Variants in LRIF1 observed in about 807,000 individuals in gnomAD.
LRIF1 encodes the protein ligand dependent nuclear receptor interacting factor 1, also known as ligand-dependent nuclear receptor-interacting factor 1.
A neutral mutation model predicts 52.7 loss-of-function variants in LRIF1; 32 were observed. That is an observed-to-expected ratio of 0.61 (90% CI 0.46 to 0.82). The LOEUF is 0.82. Ranked by LOEUF, LRIF1 falls within the 40% of genes least tolerant of loss-of-function variation. The probability of loss-of-function intolerance (pLI) is 0.00; values close to 1 mark genes in which losing one functional copy is unlikely to be tolerated. For synonymous variants in LRIF1, 323 were observed against 317.4 expected (o/e 1.02, Z -0.19); for missense variants, 887 against 892.0 (o/e 0.99, Z 0.07).
chr1:110,877,876 A>C, the LRIF1 span, among the ~76,000 whole-genome samples: 1 of 152,306 alleles, frequency 6.6e-6, no homozygotes, highest in East Asian at 1.9e-4. Flanking sequence ...TACAGCGATA[A>C]CTTTGATTGC....
At chr1:110,950,650 G>GTAAC (rs1360052751) in intron 2 of LRIF1, among the ~76,000 whole-genome samples, 1 of 151,816 alleles carries the variant, frequency 6.6e-6, no homozygotes, top group East Asian at 1.9e-4. Flanking sequence ...GAACATAAAG[G>GTAAC]TAACTATGTG....
chr1:110,917,100 TCTC>T, the LRIF1 span, among the ~76,000 whole-genome samples: 1 of 152,274 alleles, frequency 6.6e-6, no homozygotes, highest in Admixed American at 6.5e-5. Flanking sequence ...TGTTTCCCCT[TCTC>T]CTGGATCCTC....
chr1:110,875,235 T>C, the LRIF1 span, among the ~76,000 whole-genome samples: 7 of 152,150 alleles, frequency 4.6e-5, no homozygotes, highest in African/African-American at 1.7e-4. Context: ...GACTGCAGTG[T>C]AACACACCAT....
chr1:110,891,566 C>A, the LRIF1 span: 1 of 920,672 alleles, frequency 1.1e-6, no homozygotes, highest in Non-Finnish European at 1.8e-6. Flanking sequence ...GGGTAAAATG[C>A]ATGCGTGTTT....
the LRIF1 span, chr1:110,938,995 T>C: frequency 6.6e-6 from 1 of 151,854 alleles, no homozygotes; most frequent in Non-Finnish European, 1.5e-5. Flanking sequence ...ATCAAAGAAG[T>C]GAAAGACCTC....
intron 1 of LRIF1, among the ~76,000 whole-genome samples, chr1:110,957,010 C>T (rs142403886): frequency 2.4e-4 from 36 of 152,148 alleles, no homozygotes; most frequent in African/African-American, 8.7e-4. Flanking sequence ...CATATTGATC[C>T]TCTTACCTAT....
At chr1:110,938,145 T>A in the LRIF1 span, 1 of 152,126 alleles carries the variant, frequency 6.6e-6, no homozygotes, top group Non-Finnish European at 1.5e-5. Flanking sequence ...GAAGAACTAA[T>A]ACCAATCTCA....
chr1:110,888,531 T>C, the LRIF1 span, among the ~76,000 whole-genome samples: 1 of 152,206 alleles, frequency 6.6e-6, no homozygotes, highest in East Asian at 1.9e-4. Flanking sequence ...TATTTTATAG[T>C]CTACATTTTT....
chr1:110,933,395 C>A, the LRIF1 span, among the ~76,000 whole-genome samples: 1 of 152,070 alleles, frequency 6.6e-6, no homozygotes, highest in Non-Finnish European at 1.5e-5. Flanking sequence ...GCACTCAGTA[C>A]CTGGTTTTAA....
chr1:110,939,269 T>A, the LRIF1 span: 1 of 150,354 alleles, frequency 6.7e-6, no homozygotes, highest in Non-Finnish European at 1.5e-5. Flanking sequence ...TCCCAGCTAC[T>A]TGGGAGGCTG....
At position 110,948,095 on chromosome 1, in the gene LRIF1, G is replaced by T. The variant is rs775310244; in HGVS notation, c.2174C>A (p.Thr725Asn). 6.2e-7 allele frequency: 1 copy of T among 1,613,956 alleles called. No individual in the cohort carries two copies. The highest frequency in any genetic ancestry group is 8.5e-7 in the Non-Finnish European group (1 of 1,179,968). The change falls in exon 4 of 4, where the codon ACC becomes AAC. Residue 725 changes from threonine (T) to asparagine (N), a missense_variant. By Grantham distance (65) the Thr-to-Asn change is moderately conservative. Transcript: ENST00000369763. ...TGGTGTCACTGGGAAAATATCTTCG[G>T]TATAATTTTTATTGAAGAAATGACT... is the stretch of plus-strand genomic sequence containing the variant. Reference protein sequence around the residue: ...EQSHFFNKNYTEDIFPVTPPE... With the variant: ...EQSHFFNKNYNEDIFPVTPPE...
At chr1:110,953,256 TCTTC>T (rs1322111053) in intron 1 of LRIF1, among the ~76,000 whole-genome samples, 1 of 152,182 alleles carries the variant, frequency 6.6e-6, no homozygotes, top group African/African-American at 2.4e-5. Context: ...TGTTCTGTCT[TCTTC>T]CTTCAATAAC....
intron 3 of LRIF1, 100 bp downstream of exon 3, chr1:110,949,751 A>G: frequency 7.9e-7 from 1 of 1,264,536 alleles, no homozygotes; most frequent in South Asian, 1.5e-5. Flanking sequence ...AACAACCATC[A>G]TTTATACTAA....
At chr1:110,919,337 A>G in the LRIF1 span, among the ~76,000 whole-genome samples, 1 of 152,172 alleles carries the variant, frequency 6.6e-6, no homozygotes, top group African/African-American at 2.4e-5. Context: ...GCTGGCAGAA[A>G]AACTCGAAAA....
chr1:110,931,852 T>C, the LRIF1 span, among the ~76,000 whole-genome samples: 8,742 of 152,118 alleles, frequency 0.057, 290 homozygotes, highest in East Asian at 0.13. Flanking sequence ...TTCTTGGAAA[T>C]TTGTTTAAGT....
chr1:110,894,201 C>T, the LRIF1 span: 26 of 748,202 alleles, frequency 3.5e-5, no homozygotes, highest in Admixed American at 1.9e-4. Context: ...AGGCTTACAA[C>T]GGCCTGAGGA....
the LRIF1 span, among the ~76,000 whole-genome samples, chr1:110,878,920 G>A: frequency 6.6e-6 from 1 of 152,182 alleles, no homozygotes; most frequent in East Asian, 1.9e-4. Context: ...AACTGTACTT[G>A]CATTTATTTA....
At chr1:110,875,312 T>A in the LRIF1 span, among the ~76,000 whole-genome samples, 6 of 152,284 alleles carry the variant, frequency 3.9e-5, no homozygotes, top group African/African-American at 1.4e-4. Context: ...GAGGGCAAGA[T>A]CGCTCACCAG....
At chr1:110,894,886 A>G in the LRIF1 span, 302 of 1,121,564 alleles carry the variant, frequency 2.7e-4, 3 homozygotes, top group South Asian at 3.7e-3. Flanking sequence ...CCACTAACCT[A>G]TACTGGAAAT....
Sources: gnomAD v4.1 joint callset for allele counts (sites outside exome capture counted in the v4.1 genomes callset) on GRCh38, gnomAD v4.1.1 for gene constraint, MANE v1.5 for transcripts, NCBI Gene and HGNC (gene_info 2026-07-23, HGNC 2026-07-21) for gene names.